Variants in CNKSR2 observed in about 807,000 individuals in gnomAD.
CNKSR2 encodes connector enhancer of kinase suppressor of Ras 2.
Under a neutral mutation model 84.4 loss-of-function variants are expected in CNKSR2, and 14 were observed. The ratio of observed to expected loss-of-function variants is 0.17; its 90% CI spans 0.11 to 0.26. The LOEUF (loss-of-function observed/expected upper bound fraction) is 0.26. CNKSR2 is among the 10% of genes least tolerant of loss of function. The pLI is 1.00. For synonymous variants in CNKSR2, 275 were observed against 277.9 expected (o/e 0.99, Z 0.10); for missense variants, 485 against 771.2 (o/e 0.63, Z 4.40).
At chrX:21,625,068 TATTTTTAGA>T (rs2092617361) in intron 20 of CNKSR2, among the ~76,000 whole-genome samples, 1 of 112,338 alleles carries the variant, frequency 8.9e-6, no homozygotes, top group African/African-American at 3.2e-5. Flanking sequence ...AGGCATCAGA[TATTTTTAGA>T]GAATGCTTTT....
At chrX:21,426,355 G>A (rs1468663300) in intron 1 of CNKSR2, 142 bp from the exon 2 acceptor site, 2 of 493,940 alleles carry the variant, frequency 4.0e-6, no homozygotes, top group Non-Finnish European at 6.7e-6. Flanking sequence ...GGTTAAGAAA[G>A]GGCGAAGGAT....
At chrX:21,565,147 A>G (rs1355234455) in intron 13 of CNKSR2, among the ~76,000 whole-genome samples, 2 of 111,411 alleles carry the variant, frequency 1.8e-5, no homozygotes, top group Non-Finnish European at 1.9e-5. Flanking sequence ...AGAGACCATC[A>G]CTTTGACTCA....
At chrX:21,568,585 G>C (rs181277625) in intron 13 of CNKSR2, among the ~76,000 whole-genome samples, 1 of 111,461 alleles carries the variant, frequency 9.0e-6, no homozygotes, top group South Asian at 3.8e-4. Flanking sequence ...TGGCCAATTT[G>C]TGAGGTTTTG....
At chrX:21,628,697 C>G (rs1284608031) in intron 20 of CNKSR2, among the ~76,000 whole-genome samples, 2 of 111,186 alleles carry the variant, frequency 1.8e-5, no homozygotes, top group Non-Finnish European at 3.8e-5. Flanking sequence ...GGGCGCCACA[C>G]CTGTAGACTG....
intron 1 of CNKSR2, among the ~76,000 whole-genome samples, chrX:21,397,669 T>C (rs1178854345): frequency 9.0e-6 from 1 of 111,100 alleles, no homozygotes; most frequent in Non-Finnish European, 1.9e-5. Context: ...AGGAATAAGT[T>C]CTAGTTTTCT....
intron 5 of CNKSR2, among the ~76,000 whole-genome samples, chrX:21,481,490 C>G (rs1284837351): frequency 9.0e-6 from 1 of 111,663 alleles, no homozygotes; most frequent in African/African-American, 3.3e-5. Flanking sequence ...GGACCCCTGT[C>G]CCCTGGTATA....
chrX:21,569,160 A>C (rs1300253975), intron 13 of CNKSR2, among the ~76,000 whole-genome samples: 1 of 111,751 alleles, frequency 8.9e-6, no homozygotes, highest in Non-Finnish European at 1.9e-5. Flanking sequence ...ACATAACTTA[A>C]TTAGGAAATA....
At chrX:21,475,672 C>T (rs981123683) in intron 5 of CNKSR2, among the ~76,000 whole-genome samples, 10 of 111,020 alleles carry the variant, frequency 9.0e-5, no homozygotes, top group African/African-American at 3.3e-4. Context: ...CTAAACCCTA[C>T]CCCTAAATCT....
At chrX:21,420,459 T>A (rs934002930) in intron 1 of CNKSR2, among the ~76,000 whole-genome samples, 4 of 112,219 alleles carry the variant, frequency 3.6e-5, no homozygotes, top group African/African-American at 9.7e-5. Flanking sequence ...TTCTGCTTTT[T>A]TGAAGCAGAA....
chrX:21,558,823 A>T (rs2092162256), intron 11 of CNKSR2, among the ~76,000 whole-genome samples: 1 of 111,460 alleles, frequency 9.0e-6, no homozygotes, highest in African/African-American at 3.3e-5. Flanking sequence ...GCTTTTTAAT[A>T]TATATAACAT....
chrX:21,488,042 G>C (rs779419885), intron 5 of CNKSR2, among the ~76,000 whole-genome samples: 16 of 112,279 alleles, frequency 1.4e-4, no homozygotes, highest in African/African-American at 4.8e-4. Context: ...TTGCCTAGCA[G>C]CTTTTCAGAG....
At chrX:21,475,776 C>T (rs940443974) in intron 5 of CNKSR2, among the ~76,000 whole-genome samples, 1 of 111,457 alleles carries the variant, frequency 9.0e-6, no homozygotes, top group Non-Finnish European at 1.9e-5. Flanking sequence ...TTCCACAAGG[C>T]AATACAGGTT....
At chrX:21,444,798 T>A (rs1199778176) in intron 4 of CNKSR2, among the ~76,000 whole-genome samples, 2 of 110,846 alleles carry the variant, frequency 1.8e-5, no homozygotes, top group African/African-American at 6.5e-5. Context: ...TAATTCAGAA[T>A]GTTCTTTAGA....
intron 4 of CNKSR2, among the ~76,000 whole-genome samples, chrX:21,441,642 T>C (rs2090785791): frequency 8.9e-6 from 1 of 111,934 alleles, no homozygotes; most frequent in Non-Finnish European, 1.9e-5. Context: ...ACAGTTAATG[T>C]TCATCTAATC....
intron 11 of CNKSR2, among the ~76,000 whole-genome samples, chrX:21,551,807 T>C (rs1040799614): frequency 1.3e-4 from 14 of 111,792 alleles, no homozygotes; most frequent in African/African-American, 4.6e-4. Flanking sequence ...TACAAATAAA[T>C]TGAATACAGA....
intron 13 of CNKSR2, among the ~76,000 whole-genome samples, chrX:21,566,642 T>G (rs1224922582): frequency 8.9e-6 from 1 of 111,855 alleles, no homozygotes; most frequent in Non-Finnish European, 1.9e-5. Context: ...ATCTAAAGAT[T>G]TTAAGTTAAA....
intron 4 of CNKSR2, among the ~76,000 whole-genome samples, chrX:21,465,701 A>G (rs191312005): frequency 1.6e-3 from 182 of 111,359 alleles, no homozygotes; most frequent in South Asian, 3.4e-3. Context: ...TCCCTTCACT[A>G]TCTCTCTTTA....
intron 11 of CNKSR2, among the ~76,000 whole-genome samples, chrX:21,535,176 A>G (rs1271457942): frequency 9.0e-6 from 1 of 111,094 alleles, no homozygotes; most frequent in Non-Finnish European, 1.9e-5. Context: ...TTTGTCAAAA[A>G]TCACCCGGCT....
chrX:21,576,226 C>T (rs1290179045), intron 13 of CNKSR2, among the ~76,000 whole-genome samples: 1 of 112,210 alleles, frequency 8.9e-6, no homozygotes, highest in Non-Finnish European at 1.9e-5. Flanking sequence ...AAAATATGTT[C>T]TCTGATTATA....
Sources: gnomAD v4.1 joint callset for allele counts (sites outside exome capture counted in the v4.1 genomes callset) on GRCh38, gnomAD v4.1.1 for gene constraint, MANE v1.5 for transcripts, NCBI Gene and HGNC (gene_info 2026-07-23, HGNC 2026-07-21) for gene names.